CEP126: variants seen among roughly 807,000 people sequenced by gnomAD.
CEP126 encodes the protein centrosomal protein of 126 kDa.
A neutral mutation model predicts 107.8 loss-of-function variants in CEP126; 74 were observed. That is an observed-to-expected ratio of 0.69 (90% CI 0.57 to 0.83). CEP126 has a LOEUF of 0.83. CEP126 is among the 40% of genes least tolerant of loss of function. CEP126 has a pLI of 0.00. For synonymous variants in CEP126, 449 were observed against 446.0 expected (o/e 1.01, Z -0.08); for missense variants, 1,237 against 1,281.9 (o/e 0.96, Z 0.53).
chr11:101,962,212 A>T lies in CEP126; in HGVS notation c.1177A>T (p.Arg393Trp). 5.6e-6 allele frequency: 9 copies of T among 1,613,966 alleles called. No homozygotes were observed. Among genetic ancestry groups the T allele is most frequent in the Non-Finnish European group, 7.6e-6 (9 of 1,179,866 alleles). Residue 393 changes from arginine to tryptophan, a missense_variant, in exon 6 of 11, where the codon AGG becomes TGG. Transcript: ENST00000263468. Reference sequence around the variant, plus strand: ...AAAGACCTCTGAAACTAGCACTATGAGGACAACTGACTCCACTTCTGGAGC... The same window carrying T: ...AAAGACCTCTGAAACTAGCACTATGTGGACAACTGACTCCACTTCTGGAGC... ...CEKTSETSTM[R>W]TTDSTSGAFK...
At chr11:101,946,217 T>A (rs560003729) in intron 3 of CEP126, among the ~76,000 whole-genome samples, 2 of 152,238 alleles carry the variant, frequency 1.3e-5, no homozygotes, top group Admixed American at 1.3e-4. Flanking sequence ...TCAAGAGATA[T>A]AATCACGGCC....
Position 101,938,123 on chromosome 11 carries a change from G to A in CEP126, c.249-6142G>A, listed in dbSNP as rs564458484. On this transcript the variant is annotated intron_variant, in intron 2 of 10. Transcript: ENST00000263468. ...AGCCGAGATTGCGCCACTGCAGTCCGCAGTCCGGCCTGGGCGACAGAGCGA... is the reference window on the plus strand; with the variant it reads ...AGCCGAGATTGCGCCACTGCAGTCCACAGTCCGGCCTGGGCGACAGAGCGA... Among the ~76,000 whole-genome samples, 4 of 121,644 alleles carry A rather than the reference G, an allele frequency of 3.3e-5. No individual in the cohort carries two copies. In the South Asian group the frequency reaches 7.7e-4, roughly 23 times the overall value. The allele number at this position is 121,644 out of a possible 152,430, so 79.8% of individuals were successfully genotyped here. A position where few individuals can be genotyped will look rare whatever the true frequency, so the allele number is the denominator to read the frequency against.
intron 8 of CEP126, among the ~76,000 whole-genome samples, chr11:101,984,459 G>T (rs1019605225): frequency 6.6e-6 from 1 of 152,142 alleles, no homozygotes; most frequent in African/African-American, 2.4e-5. Flanking sequence ...TATCAAAGAG[G>T]TTATTAACAT....
intron 10 of CEP126, among the ~76,000 whole-genome samples, chr11:101,996,627 T>C (rs192427069): frequency 1.3e-3 from 192 of 152,280 alleles, no homozygotes; most frequent in Non-Finnish European, 1.5e-3. Context: ...TTCACAGGCA[T>C]ATGAACATAT....
intron 6 of CEP126, among the ~76,000 whole-genome samples, chr11:101,970,549 CTTTT>C (rs533402709): frequency 4.2e-5 from 6 of 143,634 alleles, no homozygotes; most frequent in Non-Finnish European, 9.2e-5. Flanking sequence ...ATTCTACTTC[CTTTT>C]TTTTTTTAAG....
chr11:101,931,126 C>A (rs1420616669), intron 2 of CEP126, among the ~76,000 whole-genome samples: 1 of 152,058 alleles, frequency 6.6e-6, no homozygotes, highest in Non-Finnish European at 1.5e-5. Context: ...CCTAAGAGAG[C>A]TTGTTACTAA....
At chr11:101,975,937 G>A (rs1941187476) in intron 6 of CEP126, among the ~76,000 whole-genome samples, 3 of 152,118 alleles carry the variant, frequency 2.0e-5, no homozygotes. Context: ...TGGCTGCATA[G>A]TACTCCATGT....
intron 2 of CEP126, among the ~76,000 whole-genome samples, chr11:101,930,571 C>T (rs1940482945): frequency 6.6e-6 from 1 of 152,172 alleles, no homozygotes; most frequent in Non-Finnish European, 1.5e-5. Context: ...CACCATGGAA[C>T]AGGACCCCAA....
chr11:101,966,863 G>A (rs910201273), intron 6 of CEP126, among the ~76,000 whole-genome samples: 5 of 151,910 alleles, frequency 3.3e-5, no homozygotes, highest in Non-Finnish European at 7.4e-5. Flanking sequence ...TTGGGGTATG[G>A]ATCCTATTAC....
chr11:101,924,648 C>G (rs2137080434), intron 2 of CEP126, among the ~76,000 whole-genome samples: 1 of 152,142 alleles, frequency 6.6e-6, no homozygotes, highest in Non-Finnish European at 1.5e-5. Context: ...TTGTGTTTTT[C>G]ATAGAGACAA....
At chr11:101,960,904 A>G (rs967818963) in intron 5 of CEP126, among the ~76,000 whole-genome samples, 19 of 152,172 alleles carry the variant, frequency 1.2e-4, no homozygotes, top group Middle Eastern at 3.4e-3. Flanking sequence ...ATGTAGATTA[A>G]TGCATGCTAG....
chr11:101,943,511 T>A (rs1010618638), intron 2 of CEP126, among the ~76,000 whole-genome samples: 3 of 151,586 alleles, frequency 2.0e-5, no homozygotes, highest in Non-Finnish European at 4.4e-5. Context: ...TTCTTTTTTT[T>A]TTTTTCATTT....
At chr11:101,980,605 A>T (rs537549869) in intron 7 of CEP126, among the ~76,000 whole-genome samples, 1 of 152,270 alleles carries the variant, frequency 6.6e-6, no homozygotes, top group Admixed American at 6.5e-5. Context: ...AGTGTTCCTG[A>T]ATCAAATTTT....
intron 4 of CEP126, among the ~76,000 whole-genome samples, chr11:101,952,990 G>C (rs540868239): frequency 6.6e-6 from 1 of 152,248 alleles, no homozygotes; most frequent in East Asian, 1.9e-4. Flanking sequence ...ACAGTTGAGG[G>C]GCTAGTTTTT....
In CEP126 at chr11:101,929,974, C is replaced by CTTTTTTTTTTT. The variant is rs60650996; in HGVS notation, c.248+7222_248+7232dup. Among the ~76,000 whole-genome samples the CTTTTTTTTTTT allele has an allele frequency of 1.7e-3, 205 of 118,642 alleles. 7 individuals are homozygous for CTTTTTTTTTTT. Among genetic ancestry groups the CTTTTTTTTTTT allele is most frequent in the East Asian group, 7.5e-3 (28 of 3,746 alleles). 77.8% of individuals were successfully genotyped at this position (118,642 alleles called of 152,430 possible). Reference sequence around the variant, plus strand: ...TAGAGAGAGCAAGCTTTAGTTAGGACTTTTTTTTTTTTTTTTTTGTCTAAG... The same window carrying CTTTTTTTTTTT: ...TAGAGAGAGCAAGCTTTAGTTAGGACTTTTTTTTTTTTTTTTTTTTTTTTTTTTTGTCTAAG... On this transcript the variant is annotated intron_variant, in intron 2 of 10. Coordinates refer to ENST00000263468, the MANE Select transcript of CEP126 (RefSeq NM_020802.4).
At chr11:101,927,153 T>C (rs547147357) in intron 2 of CEP126, among the ~76,000 whole-genome samples, 36 of 152,220 alleles carry the variant, frequency 2.4e-4, no homozygotes, top group African/African-American at 8.2e-4. Context: ...AATACAAAAA[T>C]TAGCTGGGCA....
In CEP126 at chr11:101,956,550, C is replaced by A. The variant is rs566564714; in HGVS notation, c.507-1618C>A. On this transcript the variant is annotated intron_variant, in intron 4 of 10. Transcript: ENST00000263468. ...TCTTCTTTGCCTTCATCTCCTTCTA[C>A]TTCCACATCCTTTTCTTCAGCCTGT... 1.1e-4 allele frequency: 51 copies of A among 456,502 alleles called. 1 individual carries two copies. The highest frequency in any genetic ancestry group is 7.4e-4 in the South Asian group (48 of 64,566). The allele number at this position is 456,502 out of a possible 1,614,324, so 28.3% of individuals were successfully genotyped here.
intron 2 of CEP126, among the ~76,000 whole-genome samples, chr11:101,924,316 A>G (rs1940374940): frequency 1.3e-5 from 2 of 152,210 alleles, no homozygotes; most frequent in South Asian, 4.1e-4. Context: ...GAAGCTGTCT[A>G]TGATTATGGT....
chr11:101,985,467 G>T (rs1054917404), intron 8 of CEP126, among the ~76,000 whole-genome samples: 5 of 151,916 alleles, frequency 3.3e-5, no homozygotes, highest in African/African-American at 4.8e-5. Flanking sequence ...ATTTTTAGTT[G>T]AGATGAGGCT....
Sources: allele counts gnomAD v4.1 joint callset (sites outside exome capture counted in the v4.1 genomes callset), GRCh38; gene constraint gnomAD v4.1.1; transcripts MANE v1.5; gene names NCBI Gene and HGNC (gene_info 2026-07-23, HGNC 2026-07-21).